Variants in NUMA1 observed in about 807,000 individuals in gnomAD.
The protein encoded by NUMA1 is SP-H antigen.
NUMA1 carries 62 observed loss-of-function variants against 237.1 expected under a neutral mutation model. The ratio of observed to expected loss-of-function variants is 0.26; its 90% CI spans 0.21 to 0.32. The LOEUF (loss-of-function observed/expected upper bound fraction) is 0.32. Among genes scored for constraint, NUMA1 ranks in the 10% least tolerant of loss-of-function variants. The pLI is 1.00. For synonymous variants in NUMA1, 1,028 were observed against 1,066.1 expected, an observed-to-expected ratio of 0.96 and a Z score of 0.70; for missense variants, 2,533 against 2,666.5, an observed-to-expected ratio of 0.95 and a Z score of 1.10.
chr11:72,005,828 C>G, intron 22 of NUMA1: 2 of 580,152 alleles, frequency 3.4e-6, no homozygotes, highest in Non-Finnish European at 6.1e-6. Context: ...GGGCCCTTAA[C>G]TCTGGCTAAG....
chr11:72,003,882 T>A lies in NUMA1; in HGVS notation c.6336+5A>T, dbSNP rs1388205089. On this transcript the variant is annotated splice_donor_5th_base_variant and intron_variant, in intron 26 of 26. Coordinates refer to ENST00000393695, the MANE Select transcript of NUMA1 (RefSeq NM_006185.4). ...TTCCCTCCCCCATCCTGCCAGTGCC[T>A]CTACCTTGCCCTTGGCTCGAGGGGT... 9.9e-6 allele frequency: 16 copies of A among 1,613,218 alleles called. No homozygotes were observed. The highest frequency in any genetic ancestry group is 6.7e-5 in the East Asian group (3 of 44,882).
chr11:72,016,446 G>A lies in NUMA1; in HGVS notation c.1204C>T (p.Pro402Ser). 6.2e-7 allele frequency: 1 copy of A among 1,614,102 alleles called. No individual in the cohort carries two copies. Among genetic ancestry groups the A allele is most frequent in the Non-Finnish European group, 8.5e-7 (1 of 1,180,042 alleles). ...CCCAGCACCTCGCCCTTCTCCTGGG[G>A]TGGGTTATCCTGCAGCTGGGACAAG... ...EHLSQLQDNP[P>S]QEKGEVLGDV... The change falls in exon 14 of 27, where the codon CCC becomes TCC. Residue 402 changes from proline (P) to serine (S), a missense_variant. Physicochemically the swap from Pro to Ser is moderately conservative, Grantham distance 74. This residue lies in a region of NUMA1 where 1,414 missense variants were observed against 1,508.1 expected (regional missense o/e 0.94). Transcript: ENST00000393695.
rs982375494 is a variant in NUMA1, at chr11:72,009,659, C to T, written c.4720-272G>A. Among the ~76,000 whole-genome samples the T allele has an allele frequency of 4.6e-5, 7 of 152,368 alleles. No homozygotes were observed. The South Asian group carries it at 1.2e-3, about 27-fold the overall frequency. On this transcript the variant is annotated intron_variant, in intron 17 of 26. Coordinates refer to ENST00000393695, the MANE Select transcript of NUMA1 (RefSeq NM_006185.4). ...TTGAGACCAGACACAAAGTGTCACA[C>T]CCTCTTTGCATGCACAATCTCCCGT...
intron 2 of NUMA1, chr11:72,048,040 C>T (rs577861363): frequency 1.3e-5 from 2 of 152,238 alleles, no homozygotes; most frequent in South Asian, 2.1e-4. Context: ...AATTAGGTGA[C>T]CTACGTGATC....
intron 24 of NUMA1, 58 bp from the exon 25 acceptor site, chr11:72,004,399 G>A (rs201273416): frequency 5.3e-6 from 8 of 1,495,952 alleles, no homozygotes; most frequent in East Asian, 2.3e-5. Flanking sequence ...TCTGAAGCCA[G>A]GTGTCTTGTC....
At position 72,006,043 on chromosome 11, in the gene NUMA1, G is replaced by C. The variant is rs1164879993; in HGVS notation, c.5684C>G (p.Ala1895Gly). 1.2e-6 allele frequency: 2 copies of C among 1,611,318 alleles called. No homozygotes were observed. The highest frequency in any genetic ancestry group is 1.7e-6 in the Non-Finnish European group (2 of 1,177,936). Residue 1895 changes from alanine (A) to glycine (G), a missense_variant, in exon 22 of 27, where the codon GCC becomes GGC. Ala to Gly is a moderately conservative substitution (Grantham distance 60, BLOSUM62 0). Coordinates refer to ENST00000393695, the MANE Select transcript of NUMA1 (RefSeq NM_006185.4). ...CCCTGTAGTCCCCTCACCTGGAGGG[G>C]CCCCACTGGACACCCCGGCCTGGGA... is the stretch of plus-strand genomic sequence containing the variant. ...RRSQAGVSSGAPPGRNSFYMG... is the reference protein window; with the variant it reads ...RRSQAGVSSGGPPGRNSFYMG...
Position 72,018,264 on chromosome 11 carries a change from G to C in NUMA1, c.897C>G (p.Cys299Trp), listed in dbSNP as rs1450065663. The C allele has an allele frequency of 2.5e-6, 4 of 1,614,092 alleles. No homozygotes were observed. In the Admixed American group the frequency reaches 6.7e-5, roughly 27 times the overall value. The change falls in exon 12 of 27, where the codon TGC (cysteine) becomes TGG (tryptophan). Residue 299 changes from cysteine to tryptophan, a missense_variant. This residue lies in a region of NUMA1 where 1,414 missense variants were observed against 1,508.1 expected (regional missense o/e 0.94). Coordinates refer to ENST00000393695, the MANE Select transcript of NUMA1 (RefSeq NM_006185.4). ...TMRLHETLKQ[C>W]QDLKTEKSQM... ...GGCTCTTCTCTGTCTTCAGGTCCTG[G>C]CACTGCTTCAGGGTTTCATGCAGCC...
chr11:72,045,121 G>C (rs889104124), intron 2 of NUMA1, among the ~76,000 whole-genome samples: 1 of 152,042 alleles, frequency 6.6e-6, no homozygotes, highest in South Asian at 2.1e-4. Context: ...CTCTCTCTCT[G>C]TGATCCCCCA....
At position 72,013,325 on chromosome 11, in the gene NUMA1, C is replaced by T. The variant is rs541772489; in HGVS notation, c.4178G>A (p.Gly1393Glu). The T allele has an allele frequency of 1.9e-6, 3 of 1,606,318 alleles. No individual in the cohort carries two copies. The highest frequency in any genetic ancestry group is 2.2e-5 in the East Asian group (1 of 44,866). Residue 1393 changes from glycine to glutamate, a missense_variant, in exon 15 of 27, where the codon GGG (glycine) becomes GAG (glutamate). Around this residue, in one of 3 missense-constraint regions of NUMA1, gnomAD observed 324 missense variants for 407.6 expected, o/e 0.79. Coordinates refer to ENST00000393695, the MANE Select transcript of NUMA1 (RefSeq NM_006185.4). This position sits in a 1 kb window ranked among gnomAD's most constrained non-coding sequence, Gnocchi z 6.8. ...EELEQSKQAA[G>E]GLRAELLRAQ... is the part of the protein sequence containing the mutation. ...CCGCAGCAGCTCTGCCCGCAGTCCC[C>T]CAGCGGCCTGCTTGCTCTGCTCCAG...
chr11:72,026,360 G>A (rs1939583237), intron 4 of NUMA1, among the ~76,000 whole-genome samples: 1 of 152,212 alleles, frequency 6.6e-6, no homozygotes, highest in Non-Finnish European at 1.5e-5. Flanking sequence ...CAATACATAT[G>A]GGCTGACTGA....
chr11:72,053,743 C>T (rs1664079563), intron 2 of NUMA1, among the ~76,000 whole-genome samples: 1 of 152,190 alleles, frequency 6.6e-6, no homozygotes, highest in African/African-American at 2.4e-5. Context: ...CAACCAATTA[C>T]AGTAGGCCCT....
chr11:72,064,102 ATAACT>A (rs1385775842), intron 2 of NUMA1, among the ~76,000 whole-genome samples: 7 of 152,158 alleles, frequency 4.6e-5, no homozygotes, highest in African/African-American at 1.7e-4. Flanking sequence ...ATATCTAACA[ATAACT>A]TAAATTATGG....
intron 2 of NUMA1, among the ~76,000 whole-genome samples, chr11:72,044,885 C>T (rs1243713200): frequency 6.6e-6 from 1 of 152,076 alleles, no homozygotes; most frequent in Non-Finnish European, 1.5e-5. Flanking sequence ...CCAGGCTTGT[C>T]TCGAACTCCT....
chr11:72,005,642 A>T, intron 22 of NUMA1: 4 of 515,480 alleles, frequency 7.8e-6, no homozygotes, highest in Middle Eastern at 9.9e-4. Context: ...GGTGGCCAAC[A>T]CCCAGAGGAA....
Position 72,013,061 on chromosome 11 carries a change from G to A in NUMA1, c.4442C>T (p.Ala1481Val). 2 of 1,614,216 alleles carry A rather than the reference G, an allele frequency of 1.2e-6. No homozygotes were observed. The highest frequency in any genetic ancestry group is 1.3e-5 in the African/African-American group (1 of 75,052). Residue 1481 changes from alanine (A) to valine (V), a missense_variant, in exon 15 of 27, where the codon GCA becomes GTA. Transcript: ENST00000393695. The surrounding 1 kb of genome is among the most constrained non-coding windows in gnomAD (Gnocchi z 6.8). ...QAREKYVQEL[A>V]AVRADAETRL... The stretch of plus-strand genomic sequence containing the variant: ...GGTCTCAGCATCAGCACGTACGGCT[G>A]CCAACTCTTGGACATACTTCTCCCG...
intron 15 of NUMA1, 32 bp downstream of exon 15, chr11:72,012,863 C>T: frequency 6.2e-7 from 1 of 1,602,384 alleles, no homozygotes; most frequent in Non-Finnish European, 8.5e-7. Flanking sequence ...AGCTCCTGAT[C>T]TTTGGGAGGG....
intron 2 of NUMA1, chr11:72,067,045 A>G (rs1943232080): frequency 6.6e-6 from 1 of 152,246 alleles, no homozygotes; most frequent in Admixed American, 6.5e-5. Context: ...TGTTTACACA[A>G]TCCTAATTAA....
chr11:72,014,807 G>A lies in NUMA1; in HGVS notation c.2696C>T (p.Ala899Val), dbSNP rs1413429744. The A allele has an allele frequency of 6.2e-7, 1 of 1,614,058 alleles. No individual in the cohort carries two copies. The highest frequency in any genetic ancestry group is 2.2e-5 in the East Asian group (1 of 44,884). The change falls in exon 15 of 27, where the codon GCA becomes GTA. Residue 899 changes from alanine to valine, a missense_variant. Around this residue, in one of 3 missense-constraint regions of NUMA1, gnomAD observed 1,414 missense variants for 1,508.1 expected, o/e 0.94. Transcript: ENST00000393695. This position sits in a 1 kb window ranked among gnomAD's most constrained non-coding sequence, Gnocchi z 4.6. ...TTCCTGCAGAGTGGAGAGGTCATCT[G>A]CAAGCTTCTGGGCCCTGACTTCCTT... ...QEKEVRAQKL[A>V]DDLSTLQEKM...
intron 2 of NUMA1, among the ~76,000 whole-genome samples, chr11:72,045,108 C>CCT (rs901480434): frequency 5.3e-5 from 8 of 152,024 alleles, no homozygotes; most frequent in Middle Eastern, 6.8e-3. Flanking sequence ...ACCAGTTCCA[C>CCT]CTCTCTCTCT....
Sources: gnomAD v4.1 joint callset for allele counts (sites outside exome capture counted in the v4.1 genomes callset) on GRCh38, gnomAD v4.1.1 for gene constraint, gnomAD v4.1.1 regional missense constraint, Gnocchi (gnomAD v3.1) non-coding constraint, MANE v1.5 for transcripts, NCBI Gene and HGNC (gene_info 2026-07-23, HGNC 2026-07-21) for gene names.